Variants in ILKAP observed in about 807,000 individuals in gnomAD.
ILKAP encodes the protein integrin-linked kinase-associated serine/threonine phosphatase 2C.
In ILKAP, 11 loss-of-function variants were observed where a neutral mutation model predicts 49.1. The observed-to-expected ratio is 0.22, with a 90% CI of 0.14 to 0.37. The LOEUF is 0.37. Ranked by LOEUF, ILKAP falls within the 10% of genes least tolerant of loss-of-function variation. ILKAP has a pLI of 1.00. For synonymous variants in ILKAP, 186 were observed against 192.8 expected (o/e 0.96, Z 0.29); for missense variants, 363 against 510.8 (o/e 0.71, Z 2.79).
At chr2:238,185,475 CTT>C in intron 5 of ILKAP, 188 bp from the exon 6 acceptor site, 1 of 517,114 alleles carries the variant, frequency 1.9e-6, no homozygotes, top group East Asian at 3.1e-5. Flanking sequence ...ATTTAAGTAA[CTT>C]TCACAGCATT....
At position 238,194,253 on chromosome 2, in the gene ILKAP, T is replaced by A. The variant is rs777368400; in HGVS notation, c.178+22A>T. Reference sequence around the variant, plus strand: ...ACTATGTATTATTTCCATCAGCACCTTGGATTTTTCCTACCACTTACCTGA... The same window carrying A: ...ACTATGTATTATTTCCATCAGCACCATGGATTTTTCCTACCACTTACCTGA... On this transcript the variant is annotated intron_variant, in intron 3 of 11. Coordinates refer to ENST00000254654, the MANE Select transcript of ILKAP (RefSeq NM_030768.3). 1.5e-5 allele frequency: 24 copies of A among 1,608,742 alleles called. No individual in the cohort carries two copies. In the South Asian group the frequency reaches 2.4e-4, roughly 16 times the overall value.
intron 1 of ILKAP, among the ~76,000 whole-genome samples, chr2:238,196,126 C>G (rs1163566598): frequency 7.8e-6 from 1 of 127,588 alleles, no homozygotes; most frequent in Non-Finnish European, 1.6e-5. Flanking sequence ...CTGAGTCTCA[C>G]TCTGTTGCCC....
chr2:238,189,934 C>T lies in ILKAP; in HGVS notation c.217G>A (p.Glu73Lys), dbSNP rs1306287847. 6.2e-7 allele frequency: 1 copy of T among 1,613,920 alleles called. No individual in the cohort carries two copies. The highest frequency in any genetic ancestry group is 8.5e-7 in the Non-Finnish European group (1 of 1,179,920). The change falls in exon 4 of 12, where the codon GAA becomes AAA. Residue 73 changes from glutamate (E) to lysine (K), a missense_variant. This residue lies in a region of ILKAP where 114 missense variants were observed against 116.0 expected (regional missense o/e 0.98). Coordinates refer to ENST00000254654, the MANE Select transcript of ILKAP (RefSeq NM_030768.3). ...ATSISQMVKT[E>K]GKGAKRKTSE... ...GTTTTTCTCTTTGCTCCTTTCCCTT[C>T]AGTCTTTACCATCTGGGATATTGAT...
chr2:238,202,541 G>A (rs557626259), intron 1 of ILKAP, among the ~76,000 whole-genome samples: 61 of 152,242 alleles, frequency 4.0e-4, no homozygotes, highest in African/African-American at 1.4e-3. Context: ...AACAGATTCG[G>A]AAACCCCACT....
intron 9 of ILKAP, chr2:238,173,976 G>T (rs1693338985): frequency 7.7e-6 from 2 of 259,136 alleles, no homozygotes; most frequent in Non-Finnish European, 1.5e-5. Context: ...CTCCAGAATC[G>T]GATTTGACTG....
In ILKAP at chr2:238,173,699, G is replaced by C. The variant is rs757958351; in HGVS notation, c.837-46C>G. 3 of 1,598,922 alleles carry C rather than the reference G, an allele frequency of 1.9e-6. No individual in the cohort carries two copies. The East Asian group carries it at 6.7e-5, about 36-fold the overall frequency. The stretch of plus-strand genomic sequence containing the variant: ...TTTCAGACTCTACCTGACAGATTAT[G>C]GGTCCACAGTACTTAGAATCTCACC... On this transcript the variant is annotated intron_variant, in intron 9 of 11. Transcript: ENST00000254654.
chr2:238,195,639 C>T (rs762944032), intron 1 of ILKAP, among the ~76,000 whole-genome samples: 12 of 152,136 alleles, frequency 7.9e-5, no homozygotes, highest in Non-Finnish European at 1.3e-4. Context: ...AACTGGCACA[C>T]AAGAATCCAA....
At chr2:238,194,391 A>G in intron 2 of ILKAP, 60 bp from the exon 3 acceptor site, 1 of 1,516,990 alleles carries the variant, frequency 6.6e-7, no homozygotes, top group Non-Finnish European at 9.1e-7. Context: ...TAAGTTTCAG[A>G]ATCCATCCCA....
chr2:238,175,732 C>A (rs907155863), intron 9 of ILKAP, among the ~76,000 whole-genome samples: 14 of 152,148 alleles, frequency 9.2e-5, no homozygotes, highest in African/African-American at 3.4e-4. Flanking sequence ...CCCACCAGCC[C>A]CACAGGCTTC....
rs773473922 is a variant in ILKAP, at chr2:238,188,262, G to A, written c.299-5C>T. 2.9e-5 allele frequency: 46 copies of A among 1,613,080 alleles called. No homozygotes were observed. The highest frequency in any genetic ancestry group is 3.3e-4 in the Middle Eastern group (2 of 6,082). ...GACCAAAGATCACCGAAGAGGCTAA[G>A]GAAAAGAGAACAAAAGAGCCAATAC... On this transcript the variant is annotated splice_region_variant and splice_polypyrimidine_tract_variant and intron_variant, in intron 4 of 11. Coordinates refer to ENST00000254654, the MANE Select transcript of ILKAP (RefSeq NM_030768.3).
chr2:238,194,425 G>A, intron 2 of ILKAP, 94 bp from the exon 3 acceptor site: 1 of 1,160,668 alleles, frequency 8.6e-7, no homozygotes, highest in East Asian at 2.4e-5. Flanking sequence ...GTAGGTTACT[G>A]AAATAAACTC....
chr2:238,173,810 T>C, intron 9 of ILKAP, 157 bp from the exon 10 acceptor site: 2 of 942,200 alleles, frequency 2.1e-6, no homozygotes, highest in Non-Finnish European at 3.1e-6. Context: ...ATCTCAAATA[T>C]GCAGGGGTGT....
At chr2:238,188,393 C>A in intron 4 of ILKAP, 136 bp from the exon 5 acceptor site, 2 of 998,656 alleles carry the variant, frequency 2.0e-6, no homozygotes, top group East Asian at 2.7e-5. Context: ...ATAAGCAATA[C>A]CCCTTAAGGC....
chr2:238,188,052 C>T (rs1693976412), intron 5 of ILKAP, 79 bp downstream of exon 5: 1 of 1,490,510 alleles, frequency 6.7e-7, no homozygotes, highest in African/African-American at 1.4e-5. Context: ...CTAGTAAATA[C>T]AAACTAGCCA....
At chr2:238,190,098 G>GCTGC in intron 3 of ILKAP, 126 bp from the exon 4 acceptor site, 1 of 955,734 alleles carries the variant, frequency 1.0e-6, no homozygotes, top group Non-Finnish European at 1.5e-6. Context: ...GCAGACACAG[G>GCTGC]CAGACCCAGG....
At chr2:238,196,002 C>G (rs946938818) in intron 1 of ILKAP, among the ~76,000 whole-genome samples, 8 of 131,558 alleles carry the variant, frequency 6.1e-5, no homozygotes, top group Admixed American at 1.6e-4. Flanking sequence ...CATGATTGGG[C>G]CACTGCACTC....
At chr2:238,189,736 T>G (rs1415257200) in intron 4 of ILKAP, 117 bp downstream of exon 4, 2 of 946,144 alleles carry the variant, frequency 2.1e-6, no homozygotes, top group Non-Finnish European at 3.1e-6. Context: ...GGAACCCTAC[T>G]TATTTCTTAA....
chr2:238,176,599 GGACAA>G (rs1693469171), intron 9 of ILKAP, among the ~76,000 whole-genome samples: 1 of 152,174 alleles, frequency 6.6e-6, no homozygotes, highest in African/African-American at 2.4e-5. Context: ...TCCTACTGTT[GGACAA>G]GCTGTTCAAC....
chr2:238,185,460 C>A (rs1472371133), intron 5 of ILKAP, 173 bp from the exon 6 acceptor site: 4 of 516,756 alleles, frequency 7.7e-6, no homozygotes, highest in South Asian at 5.8e-5. Flanking sequence ...TTAACTGAGA[C>A]AAATATTTAA....
Sources: gnomAD v4.1 joint callset for allele counts (sites outside exome capture counted in the v4.1 genomes callset) on GRCh38, gnomAD v4.1.1 for gene constraint, gnomAD v4.1.1 regional missense constraint, MANE v1.5 for transcripts, NCBI Gene and HGNC (gene_info 2026-07-23, HGNC 2026-07-21) for gene names.